The following NOL11 variants were observed in gnomAD, a reference collection of about 807,000 sequenced individuals.
NOL11 encodes nucleolar protein 11.
NOL11 carries 42 observed loss-of-function variants against 93.0 expected under a neutral mutation model. That is an observed-to-expected ratio of 0.45 (90% confidence interval 0.35 to 0.58). The LOEUF (loss-of-function observed/expected upper bound fraction) is 0.58. NOL11 is among the 20% of genes least tolerant of loss of function. The pLI is 0.00. For missense variants in NOL11, 775 were observed against 841.8 expected (o/e 0.92, Z 0.98); for synonymous variants, 296 against 293.7 (o/e 1.01, Z -0.08).
intron 7 of NOL11, among the ~76,000 whole-genome samples, chr17:67,731,744 G>C (rs2055156098): frequency 6.6e-6 from 1 of 152,048 alleles, no homozygotes; most frequent in Admixed American, 6.6e-5. Flanking sequence ...TTGTTCCTTT[G>C]CCTGTGGCTC....
At chr17:67,735,566 A>G (rs185933430) in intron 8 of NOL11, among the ~76,000 whole-genome samples, 279 of 152,184 alleles carry the variant, frequency 1.8e-3, no homozygotes, top group Middle Eastern at 3.4e-3. Context: ...TTAGTGCATT[A>G]GAAGTTTGCC....
Position 67,743,575 on chromosome 17 carries a change from G to A in NOL11, c.2032G>A (p.Val678Ile). The change falls in exon 17 of 18, where the codon GTA becomes ATA. Residue 678 changes from valine to isoleucine, a missense_variant. Around this residue, in one of 2 missense-constraint regions of NOL11, gnomAD observed 416 missense variants for 525.2 expected, o/e 0.79. Transcript: ENST00000253247. ...KRLLINLYKLVKSQISVYSEL... is the reference protein window; with the variant it reads ...KRLLINLYKLIKSQISVYSEL... ...GCTACTGATAAATCTTTACAAGCTT[G>A]TAAAATCTCAGGTTTGTGATTATTT... The A allele has an allele frequency of 1.9e-6, 3 of 1,590,324 alleles. No individual in the cohort carries two copies. The highest frequency in any genetic ancestry group is 2.6e-6 in the Non-Finnish European group (3 of 1,163,084).
intron 5 of NOL11, 24 bp from the exon 6 acceptor site, chr17:67,724,025 T>C (rs775217364): frequency 2.7e-6 from 4 of 1,508,842 alleles, no homozygotes; most frequent in Non-Finnish European, 3.5e-6. Context: ...GGAATATTTA[T>C]AAAATAACCT....
At chr17:67,723,331 A>G (rs2043233108) in intron 5 of NOL11, among the ~76,000 whole-genome samples, 1 of 143,848 alleles carries the variant, frequency 7.0e-6, no homozygotes. Context: ...TATTTTTTAA[A>G]CTAAAATGTG....
chr17:67,734,564 TC>T (rs1453879023), intron 8 of NOL11, 125 bp downstream of exon 8: 2 of 621,322 alleles, frequency 3.2e-6, no homozygotes, highest in Admixed American at 3.0e-5. Flanking sequence ...GCTCAAGTGA[TC>T]CTCCTGCTTC....
At chr17:67,719,032 C>T (rs1272371313) in intron 1 of NOL11, 3 of 152,150 alleles carry the variant, frequency 2.0e-5, no homozygotes, top group African/African-American at 7.2e-5. Context: ...TTTAAATGTA[C>T]TATTGTTTTT....
At chr17:67,740,595 G>A (rs562647805) in intron 16 of NOL11, 1 of 137,252 alleles carries the variant, frequency 7.3e-6, no homozygotes, top group African/African-American at 2.7e-5. Flanking sequence ...GGCGACAAGA[G>A]TGATACTCCG....
chr17:67,718,776 G>C (rs904033605), intron 1 of NOL11, among the ~76,000 whole-genome samples: 2 of 152,206 alleles, frequency 1.3e-5, no homozygotes, highest in African/African-American at 4.8e-5. Flanking sequence ...ATGTTTTAAA[G>C]AAGTTAGGTA....
chr17:67,723,968 G>T (rs764728385), intron 5 of NOL11, 81 bp from the exon 6 acceptor site: 6 of 954,194 alleles, frequency 6.3e-6, no homozygotes, highest in African/African-American at 1.7e-5. Flanking sequence ...GTAGAATGGG[G>T]TGACAACTTC....
At chr17:67,724,296 C>A in intron 6 of NOL11, 103 bp downstream of exon 6, 1 of 641,948 alleles carries the variant, frequency 1.6e-6, no homozygotes, top group Non-Finnish European at 2.5e-6. Context: ...TCAGTTACAG[C>A]CATTTCTGTG....
At chr17:67,732,635 A>G (rs8075753) in intron 7 of NOL11, among the ~76,000 whole-genome samples, 3 of 151,794 alleles carry the variant, frequency 2.0e-5, no homozygotes, top group East Asian at 3.9e-4. Flanking sequence ...GTGCAGTGGC[A>G]TGATCTTGGC....
At chr17:67,723,737 T>C (rs1239063574) in intron 5 of NOL11, among the ~76,000 whole-genome samples, 1 of 144,268 alleles carries the variant, frequency 6.9e-6, no homozygotes, top group African/African-American at 2.6e-5. Flanking sequence ...GGTGACCTCA[T>C]CTCTATTAAA....
chr17:67,722,778 G>A (rs2043228234), intron 5 of NOL11, 141 bp downstream of exon 5: 1 of 1,189,610 alleles, frequency 8.4e-7, no homozygotes. Context: ...TCAACCTCCT[G>A]GCTCAAGCAG....
chr17:67,726,366 A>G lies in NOL11; in HGVS notation c.665-94A>G, dbSNP rs541441023. 1.7e-5 allele frequency: 17 copies of G among 1,026,378 alleles called. No individual in the cohort carries two copies. The East Asian group carries it at 4.2e-4, about 26-fold the overall frequency. 63.6% of individuals were successfully genotyped at this position (1,026,378 alleles called of 1,614,324 possible). On this transcript the variant is annotated intron_variant, in intron 6 of 17. Transcript: ENST00000253247. ...TTTTTCTGGTTGGCTGTTTTATCAA[A>G]TTGGTAAAATCTTATAAACAACCTA...
intron 5 of NOL11, 135 bp from the exon 6 acceptor site, chr17:67,723,914 C>T: frequency 1.7e-6 from 1 of 605,360 alleles, no homozygotes; most frequent in African/African-American, 1.9e-5. Flanking sequence ...TCAAAACAAA[C>T]AAATTTGATA....
At chr17:67,743,681 A>T (rs2286918) in intron 17 of NOL11, 62 bp from the exon 18 acceptor site, 763,836 of 1,205,616 alleles carry the variant, frequency 0.63, 244,019 homozygotes, top group Admixed American at 0.73. Flanking sequence ...TAACTTACTC[A>T]TGGAAGATTT....
chr17:67,727,604 C>T (rs9901537), intron 7 of NOL11, among the ~76,000 whole-genome samples: 11,014 of 151,846 alleles, frequency 0.073, 998 homozygotes, highest in East Asian at 0.28. Flanking sequence ...TCGCAGTGAG[C>T]CAAGATCACA....
rs543013811 is a variant in NOL11 at position 67,738,078 on chromosome 17, C to G, written c.1530-44C>G. The G allele has an allele frequency of 1.5e-5, 23 of 1,550,654 alleles. No individual in the cohort carries two copies. In the South Asian group the frequency reaches 2.6e-4, roughly 18 times the overall value. ...TAGGAAATGAAATTTTTCCCAAAAG[C>G]TTGGTGATAAGGATTAACCTCTTGC... On this transcript the variant is annotated intron_variant, in intron 13 of 17. Transcript: ENST00000253247.
chr17:67,730,462 G>A (rs150668037), intron 7 of NOL11, among the ~76,000 whole-genome samples: 62 of 151,406 alleles, frequency 4.1e-4, no homozygotes, highest in South Asian at 1.3e-3. Flanking sequence ...GGGTTTCACC[G>A]TCTTAGCCAG....
Sources: gnomAD v4.1 joint callset for allele counts (sites outside exome capture counted in the v4.1 genomes callset) on GRCh38, gnomAD v4.1.1 for gene constraint, gnomAD v4.1.1 regional missense constraint, MANE v1.5 for transcripts, NCBI Gene and HGNC (gene_info 2026-07-23, HGNC 2026-07-21) for gene names.